Variants in CAST observed in about 807,000 individuals in gnomAD.
CAST encodes calpastatin, also known as MIR583 host.
In CAST, 76 loss-of-function variants were observed where a neutral mutation model predicts 119.6. The observed-to-expected ratio is 0.64, with a 90% CI of 0.53 to 0.77. The LOEUF (loss-of-function observed/expected upper bound fraction) is 0.77. Among genes scored for constraint, CAST ranks in the 30% least tolerant of loss-of-function variants. CAST has a pLI of 0.00. For missense variants in CAST, 953 were observed against 946.5 expected, an observed-to-expected ratio of 1.01 and a Z score of -0.09; for synonymous variants, 319 against 331.6, an observed-to-expected ratio of 0.96 and a Z score of 0.41.
intron 1 of CAST, among the ~76,000 whole-genome samples, chr5:96,674,624 A>C (rs895813874): frequency 6.6e-6 from 1 of 152,236 alleles, no homozygotes; most frequent in Non-Finnish European, 1.5e-5. Flanking sequence ...CTTATCGCCA[A>C]AACAAATGAA....
At position 96,633,704 on chromosome 5, in the gene CAST, C is replaced by T. The variant is rs564568283; in HGVS notation, c.61-41835C>T. Among the ~76,000 whole-genome samples the T allele has an allele frequency of 2.0e-5, 3 of 152,332 alleles. No homozygotes were observed. The East Asian group carries it at 5.8e-4, about 29-fold the overall frequency. ...GCTTGTGGGCAAAGACCATCATGTT[C>T]TGTTCCCTTTCTTCACCCAGGACAA... On this transcript the variant is annotated intron_variant, in intron 1 of 11. Transcript: ENST00000505143.
intron 1 of CAST, among the ~76,000 whole-genome samples, chr5:96,590,475 C>G (rs1451731921): frequency 6.6e-6 from 1 of 152,154 alleles, no homozygotes; most frequent in African/African-American, 2.4e-5. Flanking sequence ...TTGGCCAGAA[C>G]CCCCCAGAGC....
the CAST span, among the ~76,000 whole-genome samples, chr5:96,041,738 T>C: frequency 1.3e-5 from 2 of 152,064 alleles, no homozygotes; most frequent in Non-Finnish European, 2.9e-5. Context: ...AAGATAGTCA[T>C]AGGGCCAGCC....
the CAST span, among the ~76,000 whole-genome samples, chr5:96,161,374 C>T: frequency 4.1e-3 from 631 of 152,056 alleles, 14 homozygotes; most frequent in South Asian, 0.046. Context: ...GTTCCAGAAC[C>T]GTTTGTTGAA....
the CAST span, among the ~76,000 whole-genome samples, chr5:96,330,467 GT>G: frequency 6.6e-6 from 1 of 152,184 alleles, no homozygotes; most frequent in African/African-American, 2.4e-5. Context: ...AAATGTATCA[GT>G]TGGGGATTTT....
At chr5:96,523,490 A>T (rs550316410), upstream of CAST, among the ~76,000 whole-genome samples, 1 of 152,326 alleles carries the variant, frequency 6.6e-6, no homozygotes, top group South Asian at 2.1e-4. Flanking sequence ...TGACCACACT[A>T]AGCTTGTGTG....
chr5:96,525,752 C>CA (rs1422452104), upstream of CAST, among the ~76,000 whole-genome samples: 2 of 152,072 alleles, frequency 1.3e-5, no homozygotes, highest in Admixed American at 6.5e-5. Flanking sequence ...CAAACAACAA[C>CA]AAAAAAACTG....
Position 96,557,292 on chromosome 5 carries a change from C to G in CAST, c.60+27412C>G, listed in dbSNP as rs552244221. Among the ~76,000 whole-genome samples, 10 of 152,206 alleles carry G rather than the reference C, an allele frequency of 6.6e-5. No homozygotes were observed. The East Asian group carries it at 1.7e-3, about 26-fold the overall frequency. On this transcript the variant is annotated intron_variant, in intron 1 of 11. Coordinates refer to the CAST transcript ENST00000505143. ...AAAGACTATCGATGCTAGGAAGAAA[C>G]TGCATCAACTAACGAGCAAAATAAC...
intron 1 of CAST, among the ~76,000 whole-genome samples, chr5:96,641,667 A>C (rs1282832200): frequency 1.3e-5 from 2 of 152,096 alleles, no homozygotes; most frequent in Non-Finnish European, 2.9e-5. Flanking sequence ...ATCCTGAAAC[A>C]TGCCTGGCTC....
At chr5:96,142,702 G>A in the CAST span, among the ~76,000 whole-genome samples, 1 of 152,160 alleles carries the variant, frequency 6.6e-6, no homozygotes, top group Non-Finnish European at 1.5e-5. Context: ...GAAGAGGTAT[G>A]GTGGAGGTGC....
the CAST span, among the ~76,000 whole-genome samples, chr5:96,219,479 A>G: frequency 6.6e-6 from 1 of 152,210 alleles, no homozygotes; most frequent in Non-Finnish European, 1.5e-5. Flanking sequence ...AAGATTATAC[A>G]GCTAATAAGT....
the CAST span, among the ~76,000 whole-genome samples, chr5:96,094,458 T>G: frequency 6.6e-6 from 1 of 151,966 alleles, no homozygotes; most frequent in East Asian, 1.9e-4. Flanking sequence ...CCAAGGGACA[T>G]TTGATTCCAT....
chr5:96,332,798 C>T, the CAST span, among the ~76,000 whole-genome samples: 2 of 152,190 alleles, frequency 1.3e-5, no homozygotes, highest in African/African-American at 2.4e-5. Context: ...CCTTCACATA[C>T]ACCCCATTGA....
chr5:96,372,684 G>A, the CAST span, among the ~76,000 whole-genome samples: 5 of 152,036 alleles, frequency 3.3e-5, no homozygotes, highest in Non-Finnish European at 7.4e-5. Flanking sequence ...CTTTCTGGGG[G>A]GCCCCACACA....
the CAST span, among the ~76,000 whole-genome samples, chr5:96,095,556 C>CAAAAAAA: frequency 5.2e-5 from 3 of 57,540 alleles, no homozygotes; most frequent in Non-Finnish European, 8.7e-5. Context: ...GACTCTGTTT[C>CAAAAAAA]AAAAAAAAAA....
the CAST span, among the ~76,000 whole-genome samples, chr5:96,467,944 T>C: frequency 6.6e-6 from 1 of 152,120 alleles, no homozygotes; most frequent in Admixed American, 6.6e-5. Flanking sequence ...CCTATGTTTA[T>C]TGTAGCACAA....
At chr5:96,458,597 G>C in the CAST span, among the ~76,000 whole-genome samples, 1 of 152,070 alleles carries the variant, frequency 6.6e-6, no homozygotes, top group Non-Finnish European at 1.5e-5. Context: ...AGAAGAAAAG[G>C]GAATCTTACA....
At chr5:96,562,187 GCA>G (rs3064111) in intron 1 of CAST, among the ~76,000 whole-genome samples, 17 of 149,546 alleles carry the variant, frequency 1.1e-4, no homozygotes, top group East Asian at 2.0e-4. Context: ...AACTTTTCAT[GCA>G]CACACACACA....
At chr5:96,073,955 C>G in the CAST span, among the ~76,000 whole-genome samples, 2 of 152,146 alleles carry the variant, frequency 1.3e-5, no homozygotes, top group Non-Finnish European at 2.9e-5. Flanking sequence ...ATCCTCCCAC[C>G]CCTGCCCCCA....
Sources: gnomAD v4.1 joint callset for allele counts (sites outside exome capture counted in the v4.1 genomes callset) on GRCh38, gnomAD v4.1.1 for gene constraint, MANE v1.5 for transcripts, NCBI Gene and HGNC (gene_info 2026-07-23, HGNC 2026-07-21) for gene names.